MYO1A: variants seen among roughly 807,000 people sequenced by gnomAD.
MYO1A encodes unconventional myosin-Ia.
MYO1A carries 127 observed loss-of-function variants against 138.5 expected under a neutral mutation model. The ratio of observed to expected loss-of-function variants is 0.92; its 90% CI spans 0.79 to 1.06. The LOEUF (loss-of-function observed/expected upper bound fraction) is 1.06. MYO1A is among the 50% of genes least tolerant of loss of function. The pLI is 0.00. For missense variants in MYO1A, 1,211 were observed against 1,288.8 expected (o/e 0.94, Z 0.92); for synonymous variants, 477 against 497.5 (o/e 0.96, Z 0.55).
In MYO1A at chr12:57,046,882, GA is replaced by G; in HGVS notation, c.521del (p.Leu174ProfsTer15). Reference protein sequence around the residue: ...DIEFDFKGSPLGGVITNYLLE... With the variant: ...DIEFDFKGSPXGGVITNYLLE... The stretch of plus-strand genomic sequence containing the variant: ...ACGTACAGTTTGTGATGACACCACC[GA>G]GGGGGGATCCCTTGAAGTCAAATTC... On this transcript the variant is annotated frameshift_variant, in exon 7 of 28. Coordinates refer to ENST00000300119, the MANE Select transcript of MYO1A (RefSeq NM_005379.4). LOFTEE classifies it high-confidence loss of function. 1 of 1,614,114 alleles carries G rather than the reference GA, an allele frequency of 6.2e-7. No individual in the cohort carries two copies. The highest frequency in any genetic ancestry group is 8.5e-7 in the Non-Finnish European group (1 of 1,179,994).
At chr12:57,042,440 G>A (rs533311763) in intron 12 of MYO1A, among the ~76,000 whole-genome samples, 7 of 152,270 alleles carry the variant, frequency 4.6e-5, no homozygotes, top group Non-Finnish European at 1.0e-4. Context: ...TAAGGCTTCT[G>A]TGAACATTTG....
chr12:57,045,718 T>C (rs2136456726), intron 8 of MYO1A, among the ~76,000 whole-genome samples: 1 of 152,276 alleles, frequency 6.6e-6, no homozygotes, highest in South Asian at 2.1e-4. Context: ...GAGAGGAGAT[T>C]GGGAGGCAAA....
chr12:57,047,856 G>A, intron 3 of MYO1A, 133 bp downstream of exon 3: 1 of 1,560,716 alleles, frequency 6.4e-7, no homozygotes, highest in Non-Finnish European at 8.7e-7. Context: ...GGCCTTGGAA[G>A]GGGCCTCCAG....
intron 14 of MYO1A, among the ~76,000 whole-genome samples, chr12:57,040,705 C>T (rs1269462352): frequency 1.3e-5 from 2 of 152,142 alleles, no homozygotes; most frequent in Non-Finnish European, 2.9e-5. Flanking sequence ...TGAGCTCAAT[C>T]AGAGAGCTTT....
intron 22 of MYO1A, among the ~76,000 whole-genome samples, chr12:57,032,324 G>A (rs2030325130): frequency 6.6e-6 from 1 of 152,154 alleles, no homozygotes; most frequent in Non-Finnish European, 1.5e-5. Context: ...AACTGTTCTA[G>A]GTACTGGGAC....
intron 3 of MYO1A, 34 bp downstream of exon 3, chr12:57,047,955 G>T (rs776068804): frequency 7.5e-6 from 12 of 1,593,410 alleles, no homozygotes; most frequent in Non-Finnish European, 8.6e-6. Context: ...AGAAGCTGGG[G>T]CCCTGTCAGC....
Position 57,038,494 on chromosome 12 carries a change from G to C in MYO1A, c.1678C>G (p.Pro560Ala), listed in dbSNP as rs140586750. Residue 560 changes from proline to alanine, a missense_variant, in exon 17 of 28, where the codon CCC becomes GCC. Coordinates refer to ENST00000300119, the MANE Select transcript of MYO1A (RefSeq NM_005379.4). The stretch of plus-strand genomic sequence containing the variant: ...TTGAACTGGGCCCCAGCAGTCGGGG[G>C]GCGTTTGAGAGATGCCTGCTTAGGA... ...GNPKQASLKR[P>A]PTAGAQFKSS... 3.0e-5 allele frequency: 49 copies of C among 1,614,100 alleles called. No homozygotes were observed. Among genetic ancestry groups the C allele is most frequent in the Non-Finnish European group, 4.0e-5 (47 of 1,180,044 alleles).
At position 57,028,717 on chromosome 12, in the gene MYO1A, G is replaced by A. The variant is rs1422001311; in HGVS notation, c.*38C>T. The A allele has an allele frequency of 1.9e-6, 3 of 1,612,364 alleles. No homozygotes were observed. The highest frequency in any genetic ancestry group is 2.5e-6 in the Non-Finnish European group (3 of 1,179,120). On this transcript the variant is annotated 3_prime_UTR_variant, in exon 28 of 28. Coordinates refer to ENST00000300119, the MANE Select transcript of MYO1A (RefSeq NM_005379.4). ...GCAGAGGGGGATTAGTGCTGGTTCA[G>A]GAGGAAGCAACTGCCATCTCTGCAT... is the stretch of plus-strand genomic sequence containing the variant.
intron 8 of MYO1A, 55 bp from the exon 9 acceptor site, chr12:57,044,264 C>T: frequency 1.5e-6 from 2 of 1,375,016 alleles, no homozygotes; most frequent in Non-Finnish European, 2.1e-6. Context: ...CTGGAGCCCT[C>T]CAGCCTTGAC....
At position 57,028,720 on chromosome 12, in the gene MYO1A, G is replaced by A. The variant is rs770875066; in HGVS notation, c.*35C>T. On this transcript the variant is annotated 3_prime_UTR_variant, in exon 28 of 28. Coordinates refer to ENST00000300119, the MANE Select transcript of MYO1A (RefSeq NM_005379.4). ...GAGGGGGATTAGTGCTGGTTCAGGA[G>A]GAAGCAACTGCCATCTCTGCATGGT... 13 of 1,612,724 alleles carry A rather than the reference G, an allele frequency of 8.1e-6. No individual in the cohort carries two copies. The South Asian group carries it at 1.4e-4, about 18-fold the overall frequency.
At chr12:57,038,736 C>T in intron 16 of MYO1A, 73 bp downstream of exon 16, 2 of 1,609,290 alleles carry the variant, frequency 1.2e-6, no homozygotes, top group South Asian at 1.1e-5. Context: ...TCTCACCTTC[C>T]CCGGGTTCCT....
chr12:57,029,692 C>T (rs766792590), intron 25 of MYO1A, 48 bp downstream of exon 25: 2 of 1,614,136 alleles, frequency 1.2e-6, no homozygotes, highest in Admixed American at 1.7e-5. Flanking sequence ...GATGCCAGCC[C>T]ACAGCTCTGC....
At chr12:57,042,067 C>T (rs1456192421) in intron 12 of MYO1A, among the ~76,000 whole-genome samples, 1 of 152,192 alleles carries the variant, frequency 6.6e-6, no homozygotes, top group Admixed American at 6.5e-5. Flanking sequence ...GTACAACCAT[C>T]ACCACTATCT....
At position 57,030,299 on chromosome 12, in the gene MYO1A, A is replaced by T. The variant is rs1311042895; in HGVS notation, c.2502T>A (p.Asp834Glu). The T allele has an allele frequency of 6.2e-7, 1 of 1,613,922 alleles. No homozygotes were observed. The highest frequency in any genetic ancestry group is 1.3e-5 in the African/African-American group (1 of 75,010). ...FYQWKCKRFRDQLSPKQVEIL... is the reference protein window; with the variant it reads ...FYQWKCKRFREQLSPKQVEIL... ...TCTCTACCTGCTTCGGGGACAGCTG[A>T]TCCCGGAACCTCTTGCACTGTGAGG... Residue 834 changes from aspartate (D) to glutamate (E), a missense_variant, in exon 24 of 28, where the codon GAT becomes GAA. By Grantham distance (45) the Asp-to-Glu change is conservative. Coordinates refer to ENST00000300119, the MANE Select transcript of MYO1A (RefSeq NM_005379.4).
chr12:57,038,338 C>G, intron 17 of MYO1A, 74 bp downstream of exon 17: 1 of 1,494,120 alleles, frequency 6.7e-7, no homozygotes, highest in Non-Finnish European at 9.3e-7. Flanking sequence ...CCCACATGGA[C>G]GTGTTCTACA....
At chr12:57,039,330 A>T (rs2030752128) in intron 14 of MYO1A, 56 bp from the exon 15 acceptor site, 1 of 1,357,260 alleles carries the variant, frequency 7.4e-7, no homozygotes, top group African/African-American at 1.4e-5. Context: ...GCCTCCAGAG[A>T]CCTCACCAGA....
At chr12:57,031,212 A>C (rs1480273486) in intron 22 of MYO1A, 38 bp from the exon 23 acceptor site, 2 of 1,613,576 alleles carry the variant, frequency 1.2e-6, no homozygotes, top group South Asian at 2.2e-5. Flanking sequence ...TGGAGTGATA[A>C]GAAACACTTC....
At position 57,043,955 on chromosome 12, in the gene MYO1A, G is replaced by C. The variant is rs897674604; in HGVS notation, c.793C>G (p.Leu265Val). 1 of 1,614,130 alleles carries C rather than the reference G, an allele frequency of 6.2e-7. No individual in the cohort carries two copies. Among genetic ancestry groups the C allele is most frequent in the Admixed American group, 1.7e-5 (1 of 60,012 alleles). Reference protein sequence around the residue: ...GFSEEEIRQVLEVTSMVLKLG... With the variant: ...GFSEEEIRQVVEVTSMVLKLG... ...TTTAGCACCATGGATGTCACCTCTA[G>C]CACTTGTCGAATCTCCTCCTCCGAG... is the stretch of plus-strand genomic sequence containing the variant. The change falls in exon 10 of 28, where the codon CTA (leucine) becomes GTA (valine). Residue 265 changes from leucine (L) to valine (V), a missense_variant. By Grantham distance (32) the Leu-to-Val change is conservative (BLOSUM62 1). Coordinates refer to ENST00000300119, the MANE Select transcript of MYO1A (RefSeq NM_005379.4).
Position 57,041,158 on chromosome 12 carries a change from G to A in MYO1A, c.1269+26C>T, listed in dbSNP as rs764580100. The A allele has an allele frequency of 4.5e-6, 7 of 1,558,380 alleles. No individual in the cohort carries two copies. In the African/African-American group the frequency reaches 8.1e-5, roughly 18 times the overall value. On this transcript the variant is annotated intron_variant, in intron 14 of 27. Coordinates refer to ENST00000300119, the MANE Select transcript of MYO1A (RefSeq NM_005379.4). Reference sequence around the variant, plus strand: ...CATATGCCTAGAAGTTGTTTAAGAGGGGGAAGTAGAAAAGACTTGGTTTAC... The same window carrying A: ...CATATGCCTAGAAGTTGTTTAAGAGAGGGAAGTAGAAAAGACTTGGTTTAC...
Sources: allele counts gnomAD v4.1 joint callset (sites outside exome capture counted in the v4.1 genomes callset), GRCh38; gene constraint gnomAD v4.1.1; transcripts MANE v1.5; gene names NCBI Gene and HGNC (gene_info 2026-07-23, HGNC 2026-07-21).